Variants in MYO9A observed in about 807,000 individuals in gnomAD.
The protein encoded by MYO9A is myosin IXA, also known as unconventional myosin-IXa.
Under a neutral mutation model 293.3 loss-of-function variants are expected in MYO9A, and 103 were observed. The ratio of observed to expected loss-of-function variants is 0.35; its 90% CI spans 0.30 to 0.41. The LOEUF (loss-of-function observed/expected upper bound fraction) is 0.41. Among genes scored for constraint, MYO9A ranks in the 10% least tolerant of loss-of-function variants. The probability of loss-of-function intolerance (pLI) is 1.00; values close to 1 mark genes in which losing one functional copy is unlikely to be tolerated. For missense variants in MYO9A, 2,685 were observed against 3,033.0 expected, an observed-to-expected ratio of 0.89 and a Z score of 2.69; for synonymous variants, 1,001 against 1,035.7, an observed-to-expected ratio of 0.97 and a Z score of 0.64.
intron 19 of MYO9A, among the ~76,000 whole-genome samples, chr15:71,910,158 ATATATACGTG>A (rs2057799864): frequency 5.8e-5 from 3 of 51,414 alleles, no homozygotes. Context: ...GTGTGTATAT[ATATATACGTG>A]TATATATATA....
At chr15:71,849,329 A>G (rs2055533723) in intron 38 of MYO9A, among the ~76,000 whole-genome samples, 1 of 152,124 alleles carries the variant, frequency 6.6e-6, no homozygotes. Context: ...CACGCCTATA[A>G]TCTCAGCTAC....
intron 12 of MYO9A, among the ~76,000 whole-genome samples, chr15:71,974,370 A>C (rs904003226): frequency 1.8e-4 from 27 of 152,184 alleles, no homozygotes; most frequent in Non-Finnish European, 1.5e-4. Flanking sequence ...AGTGGGACTA[A>C]AGGAGCATCC....
intron 1 of MYO9A, among the ~76,000 whole-genome samples, chr15:72,093,345 T>C (rs1029324014): frequency 3.3e-5 from 5 of 151,352 alleles, no homozygotes; most frequent in African/African-American, 7.3e-5. Flanking sequence ...CTGGGCAACA[T>C]AGTGAGACCC....
At chr15:71,876,965 T>C (rs1462369693) in intron 31 of MYO9A, among the ~76,000 whole-genome samples, 1 of 152,142 alleles carries the variant, frequency 6.6e-6, no homozygotes, top group Non-Finnish European at 1.5e-5. Flanking sequence ...TTAACCTAGA[T>C]CTAGAACTGA....
chr15:72,053,175 G>C (rs563051306), intron 1 of MYO9A, among the ~76,000 whole-genome samples: 8 of 152,206 alleles, frequency 5.3e-5, no homozygotes, highest in African/African-American at 1.9e-4. Context: ...CAAGGCAGGC[G>C]GATCACTTAA....
At chr15:71,962,406 A>G (rs1434361236) in intron 13 of MYO9A, among the ~76,000 whole-genome samples, 1 of 152,104 alleles carries the variant, frequency 6.6e-6, no homozygotes, top group Non-Finnish European at 1.5e-5. Context: ...ATTCTTCTTT[A>G]TTCTCCTGAG....
intron 8 of MYO9A, among the ~76,000 whole-genome samples, chr15:72,000,618 A>G (rs1000745413): frequency 2.0e-5 from 3 of 152,170 alleles, no homozygotes; most frequent in Non-Finnish European, 4.4e-5. Context: ...TGTTCTTCAG[A>G]TCTAACTATG....
At chr15:72,070,128 C>CAAAAA (rs936332297) in intron 1 of MYO9A, among the ~76,000 whole-genome samples, 1 of 49,010 alleles carries the variant, frequency 2.0e-5, no homozygotes, top group African/African-American at 7.7e-5. Flanking sequence ...GACTATGTCT[C>CAAAAA]AAAAAAAAAA....
At position 71,991,225 on chromosome 15, in the gene MYO9A, C is replaced by CAATAG; in HGVS notation, c.1595_1599dup (p.Gly534LeufsTer56). 1 of 1,594,660 alleles carries CAATAG rather than the reference C, an allele frequency of 6.3e-7. No individual in the cohort carries two copies. The highest frequency in any genetic ancestry group is 8.5e-7 in the Non-Finnish European group (1 of 1,170,190). ...TCAAACCCAAAAATATCAAGAACAC[C>CAATAG]AATAGACAATGTCTGTAAAACAAGA... On this transcript the variant is annotated frameshift_variant, in exon 11 of 42. Transcript: ENST00000356056. LOFTEE classifies it high-confidence loss of function.
rs575617348 is a variant in MYO9A at position 71,951,912 on chromosome 15, AAAAC to A, written c.2183-20_2183-17del. On this transcript the variant is annotated splice_polypyrimidine_tract_variant and intron_variant, in intron 14 of 41. Transcript: ENST00000356056. ...TCATCATGTCCTTAGGAAGCAAAAA[AAAAC>A]AAACAAAAAAAAAAGGAGAAAAGAA... 489 of 1,567,842 alleles carry A rather than the reference AAAAC, an allele frequency of 3.1e-4. No homozygotes were observed. The highest frequency in any genetic ancestry group is 3.9e-4 in the Non-Finnish European group (454 of 1,166,460).
At chr15:71,977,789 G>A (rs1291561747) in intron 12 of MYO9A, among the ~76,000 whole-genome samples, 1 of 152,144 alleles carries the variant, frequency 6.6e-6, no homozygotes, top group Non-Finnish European at 1.5e-5. Context: ...TGTAATCCCA[G>A]CACTTTGGGA....
chr15:71,955,735 C>T (rs1293098054), intron 14 of MYO9A, among the ~76,000 whole-genome samples: 3 of 152,114 alleles, frequency 2.0e-5, no homozygotes, highest in South Asian at 2.1e-4. Flanking sequence ...CAATTAAATG[C>T]TTTTAGTATA....
At position 71,850,093 on chromosome 15, in the gene MYO9A, C is replaced by A. The variant is rs780540584; in HGVS notation, c.6656G>T (p.Arg2219Leu). Residue 2219 changes from arginine to leucine, a missense_variant, in exon 38 of 42, where the codon CGC (arginine) becomes CTC (leucine). By Grantham distance (102) the Arg-to-Leu change is moderately radical (BLOSUM62 -2). This residue lies in a region of MYO9A where 238 missense variants were observed against 269.1 expected (regional missense o/e 0.88). Coordinates refer to ENST00000356056, the MANE Select transcript of MYO9A (RefSeq NM_006901.4). ...TAGTGGGTCAGTGGTGTCAGGGCAG[C>A]GGAGAATGCAGGGCGCAAACACAAT... ...LAIVFAPCIL[R>L]CPDTTDPLQS... The A allele has an allele frequency of 3.1e-6, 5 of 1,613,954 alleles. No homozygotes were observed. The highest frequency in any genetic ancestry group is 1.1e-5 in the South Asian group (1 of 91,076).
Position 71,828,036 on chromosome 15 carries a change from A to ACAAT in MYO9A, c.7041-14_7041-11dup, listed in dbSNP as rs1297448525. On this transcript the variant is annotated splice_polypyrimidine_tract_variant and intron_variant, in intron 40 of 41. Transcript: ENST00000356056. ...AAATGTTAGCTCCTCCCTGTAAGAC[A>ACAAT]CAATCAAGAAACCATTAGCATTTGA... 3.1e-6 allele frequency: 5 copies of ACAAT among 1,608,658 alleles called. No individual in the cohort carries two copies. Among genetic ancestry groups the ACAAT allele is most frequent in the African/African-American group, 1.3e-5 (1 of 74,566 alleles).
intron 10 of MYO9A, among the ~76,000 whole-genome samples, chr15:71,993,415 G>A (rs1168423727): frequency 6.6e-6 from 1 of 151,622 alleles, no homozygotes; most frequent in East Asian, 1.9e-4. Flanking sequence ...CAAAACAGAA[G>A]ACAAAAATAA....
At chr15:71,955,322 T>C (rs2146740801) in intron 14 of MYO9A, among the ~76,000 whole-genome samples, 1 of 152,208 alleles carries the variant, frequency 6.6e-6, no homozygotes. Context: ...AGAGACAGGG[T>C]TTCTCCATGT....
intron 39 of MYO9A, among the ~76,000 whole-genome samples, chr15:71,840,990 G>T (rs1296663078): frequency 6.6e-6 from 1 of 152,166 alleles, no homozygotes; most frequent in Non-Finnish European, 1.5e-5. Context: ...TTTGGTATTT[G>T]ATGTTGATGT....
At chr15:71,829,425 TG>T (rs1171175913) in intron 40 of MYO9A, among the ~76,000 whole-genome samples, 1 of 152,034 alleles carries the variant, frequency 6.6e-6, no homozygotes, top group Non-Finnish European at 1.5e-5. Flanking sequence ...ACACAGCACC[TG>T]TAGGGAGAAC....
intron 33 of MYO9A, among the ~76,000 whole-genome samples, chr15:71,860,994 A>AAAAAAAAAAAAAAAAAAAAAC (rs2056098678): frequency 7.0e-6 from 1 of 142,406 alleles, no homozygotes; most frequent in African/African-American, 2.7e-5. Flanking sequence ...AAAAAAAAAA[A>AAAAAAAAAAAAAAAAAAAAAC]TCAAACCAGC....
Sources: gnomAD v4.1 joint callset for allele counts (sites outside exome capture counted in the v4.1 genomes callset) on GRCh38, gnomAD v4.1.1 for gene constraint, gnomAD v4.1.1 regional missense constraint, MANE v1.5 for transcripts, NCBI Gene and HGNC (gene_info 2026-07-23, HGNC 2026-07-21) for gene names.